Variants in IDO2 observed in about 807,000 individuals in gnomAD.
IDO2 encodes indoleamine 2,3-dioxygenase 2, also known as indoleamine 2,3-dioxygenase-like 1 protein.
In IDO2, 46 loss-of-function variants were observed where a neutral mutation model predicts 45.1. The ratio of observed to expected loss-of-function variants is 1.02; its 90% confidence interval spans 0.80 to 1.30. The LOEUF is 1.30. Ranked by LOEUF, IDO2 falls within the 50% of genes most tolerant of loss-of-function variation. The pLI is 0.00. For missense variants in IDO2, 544 were observed against 491.8 expected (o/e 1.11, Z -1.00); for synonymous variants, 218 against 184.9 (o/e 1.18, Z -1.45).
intron 8 of IDO2, among the ~76,000 whole-genome samples, chr8:40,000,215 C>T (rs1273419200): frequency 6.6e-6 from 1 of 152,140 alleles, no homozygotes; most frequent in East Asian, 1.9e-4. Flanking sequence ...AGATTGAGAC[C>T]ATCCTGGCCA....
chr8:39,988,575 C>A (rs1007152145), intron 7 of IDO2, among the ~76,000 whole-genome samples: 7 of 152,106 alleles, frequency 4.6e-5, no homozygotes, highest in Non-Finnish European at 8.8e-5. Context: ...CACGCCACCA[C>A]GCCTGGCTAA....
At chr8:40,015,476 G>A (rs1228916546) in exon 11 of IDO2, 3 of 1,613,874 alleles carry the variant, frequency 1.9e-6, no homozygotes, top group Admixed American at 1.7e-5. Flanking sequence ...AGCATGGGAA[G>A]CCAAACCATC....
chr8:39,959,111 ATTT>A (rs36099242), intron 2 of IDO2, among the ~76,000 whole-genome samples: 7 of 141,704 alleles, frequency 4.9e-5, no homozygotes, highest in Non-Finnish European at 6.1e-5. Flanking sequence ...TAATCTGTAG[ATTT>A]TTTTTTTTTT....
chr8:40,004,080 C>G (rs1005390089), intron 8 of IDO2, among the ~76,000 whole-genome samples: 1 of 152,122 alleles, frequency 6.6e-6, no homozygotes, highest in Non-Finnish European at 1.5e-5. Context: ...TGTCATTCTG[C>G]TTCAGCAAAA....
chr8:39,997,079 A>C (rs1232478445), intron 8 of IDO2, among the ~76,000 whole-genome samples: 8 of 152,226 alleles, frequency 5.3e-5, no homozygotes, highest in Non-Finnish European at 1.0e-4. Context: ...TAAATGCTAA[A>C]ACTCTAGCTA....
chr8:39,969,408 A>G (rs966229531), intron 3 of IDO2, among the ~76,000 whole-genome samples: 1 of 152,184 alleles, frequency 6.6e-6, no homozygotes, highest in Non-Finnish European at 1.5e-5. Context: ...CTTAATTGAT[A>G]AATGTATGTG....
intron 2 of IDO2, among the ~76,000 whole-genome samples, chr8:39,954,980 A>T (rs191780936): frequency 1.2e-3 from 181 of 151,066 alleles, no homozygotes; most frequent in African/African-American, 4.3e-3. Flanking sequence ...TTGTGTCCAA[A>T]TTTCCTCTTC....
chr8:39,950,603 A>C lies in IDO2; in HGVS notation c.99+1339A>C, dbSNP rs1054681531. 2.0e-5 allele frequency among the ~76,000 whole-genome samples: 3 copies of C among 152,366 alleles called. No individual in the cohort carries two copies. The South Asian group carries it at 6.2e-4, about 32-fold the overall frequency. On this transcript the variant is annotated intron_variant, in intron 2 of 10. Coordinates refer to ENST00000502986, the Ensembl canonical transcript of IDO2. Reference sequence around the variant, plus strand: ...AAAGGGTGCTACTCAATAGCTGTCCAGCCACGAGAGCACACCAAACAAAGG... The same window carrying C: ...AAAGGGTGCTACTCAATAGCTGTCCCGCCACGAGAGCACACCAAACAAAGG...
intron 6 of IDO2, among the ~76,000 whole-genome samples, chr8:39,986,681 G>C (rs1808428098): frequency 7.0e-6 from 1 of 142,250 alleles, no homozygotes; most frequent in South Asian, 2.1e-4. Flanking sequence ...GAGATAGATA[G>C]ATAGATAGAT....
chr8:39,943,035 T>A (rs1807670531), intron 1 of IDO2, among the ~76,000 whole-genome samples: 1 of 152,090 alleles, frequency 6.6e-6, no homozygotes, highest in Non-Finnish European at 1.5e-5. Context: ...GCAAAATTGG[T>A]TAGATATTGG....
chr8:39,995,290 T>TCTTCTTCTTCTTCTTC (rs1174801048), intron 8 of IDO2: 3 of 138,304 alleles, frequency 2.2e-5, no homozygotes, highest in Non-Finnish European at 4.5e-5. Context: ...TTCTTCTTCT[T>TCTTCTTCTTCTTCTTC]TTTTTTTTGA....
At chr8:39,962,678 C>T (rs1425630013) in intron 2 of IDO2, among the ~76,000 whole-genome samples, 1 of 152,128 alleles carries the variant, frequency 6.6e-6, no homozygotes, top group Non-Finnish European at 1.5e-5. Flanking sequence ...AGTCTCCCAC[C>T]TCACAATGGA....
intron 1 of IDO2, among the ~76,000 whole-genome samples, chr8:39,937,064 A>G (rs1418095189): frequency 1.3e-5 from 2 of 152,240 alleles, no homozygotes; most frequent in Non-Finnish European, 2.9e-5. Flanking sequence ...TACAAAGAAT[A>G]TGATTGCACA....
intron 4 of IDO2, 81 bp from the exon 5 acceptor site, chr8:39,982,571 C>T (rs993317748): frequency 2.5e-5 from 24 of 954,674 alleles, no homozygotes; most frequent in East Asian, 8.0e-5. Context: ...ACAGGATTGC[C>T]GAAATAAAAG....
intron 6 of IDO2, chr8:39,987,340 A>G (rs994506029): frequency 6.6e-6 from 1 of 152,236 alleles, no homozygotes; most frequent in Admixed American, 6.5e-5. Flanking sequence ...AGTCTCAGGT[A>G]TTTCTTTATA....
At chr8:39,961,425 C>T (rs904845366) in intron 2 of IDO2, among the ~76,000 whole-genome samples, 1 of 149,106 alleles carries the variant, frequency 6.7e-6, no homozygotes, top group Non-Finnish European at 1.5e-5. Context: ...CAGGTTCAAG[C>T]GATTCTCCTA....
chr8:39,942,309 T>C (rs888780375), intron 1 of IDO2, among the ~76,000 whole-genome samples: 4 of 152,152 alleles, frequency 2.6e-5, no homozygotes, highest in Non-Finnish European at 1.5e-5. Context: ...TAATAGATGA[T>C]AGAACACAGA....
At chr8:40,006,945 G>A (rs1802233407) in intron 9 of IDO2, among the ~76,000 whole-genome samples, 1 of 152,100 alleles carries the variant, frequency 6.6e-6, no homozygotes, top group Non-Finnish European at 1.5e-5. Flanking sequence ...ACAGGCTTGA[G>A]CCACCACGTC....
At chr8:40,009,834 T>C (rs1802283842) in intron 9 of IDO2, among the ~76,000 whole-genome samples, 1 of 152,256 alleles carries the variant, frequency 6.6e-6, no homozygotes, top group African/African-American at 2.4e-5. Context: ...GATGGCTCTT[T>C]TAAGTTGGCC....
Sources: gnomAD v4.1 joint callset for allele counts (sites outside exome capture counted in the v4.1 genomes callset) on GRCh38, gnomAD v4.1.1 for gene constraint, MANE v1.5 for transcripts, NCBI Gene and HGNC (gene_info 2026-07-23, HGNC 2026-07-21) for gene names.